SULT6B1: variants seen among roughly 807,000 people sequenced by gnomAD.
SULT6B1 encodes sulfotransferase family 6B member 1.
SULT6B1 carries 44 observed loss-of-function variants against 37.2 expected under a neutral mutation model. That is an observed-to-expected ratio of 1.18 (90% CI 0.93 to 1.52). The LOEUF (loss-of-function observed/expected upper bound fraction) is 1.52, where lower values mean the gene tolerates loss of function less well. SULT6B1 is among the 40% of genes most tolerant of loss of function. The pLI, the probability that SULT6B1 is intolerant of heterozygous loss-of-function variation, is 0.00. For missense variants in SULT6B1, 450 were observed against 361.0 expected (o/e 1.25, Z -2.00); for synonymous variants, 140 against 126.0 (o/e 1.11, Z -0.74).
chr2:37,188,560 A>T lies in SULT6B1; in HGVS notation c.81T>A (p.Phe27Leu). The change falls in exon 1 of 7, where the codon TTT becomes TTA. Residue 27 changes from phenylalanine to leucine, a missense_variant. Coordinates refer to ENST00000535679, the MANE Select transcript of SULT6B1 (RefSeq NM_001367551.1). ...KSKETALSHLFFTYQGIPYPI... is the reference protein window; with the variant it reads ...KSKETALSHLLFTYQGIPYPI... ...GGTAAGGAATCCCCTGATAGGTGAA[A>T]AATAAATGAGAGAGTGCAGTTTCTT... 1 of 1,606,236 alleles carries T rather than the reference A, an allele frequency of 6.2e-7. No individual in the cohort carries two copies. Among genetic ancestry groups the T allele is most frequent in the Non-Finnish European group, 8.5e-7 (1 of 1,172,782 alleles).
At chr2:37,183,000 C>T (rs1330273746) in intron 3 of SULT6B1, among the ~76,000 whole-genome samples, 4 of 152,098 alleles carry the variant, frequency 2.6e-5, no homozygotes, top group Non-Finnish European at 5.9e-5. Flanking sequence ...GCCTGGGCAA[C>T]ATAGTGAGAT....
intron 6 of SULT6B1, 105 bp downstream of exon 6, chr2:37,171,328 GA>G: frequency 7.2e-7 from 1 of 1,392,326 alleles, no homozygotes; most frequent in Non-Finnish European, 9.7e-7. Flanking sequence ...CTGAGGCGGA[GA>G]AAAATAAAAC....
intron 3 of SULT6B1, among the ~76,000 whole-genome samples, chr2:37,180,655 G>A (rs368187511): frequency 7.2e-5 from 11 of 152,258 alleles, no homozygotes; most frequent in South Asian, 2.1e-4. Context: ...AGGCTGAGGC[G>A]GCTGGATCAC....
Position 37,179,440 on chromosome 2 carries a change from T to C in SULT6B1, c.529+18A>G. ...TCATCTGATCAAGTAAGAATAATTC[T>C]TTTACCAACAGCCATACCTTGTCCT... is the stretch of plus-strand genomic sequence containing the variant. On this transcript the variant is annotated intron_variant, in intron 4 of 6. Transcript: ENST00000535679. The C allele has an allele frequency of 6.2e-7, 1 of 1,612,458 alleles. No individual in the cohort carries two copies. Among genetic ancestry groups the C allele is most frequent in the Non-Finnish European group, 8.5e-7 (1 of 1,179,800 alleles).
intron 5 of SULT6B1, 73 bp from the exon 6 acceptor site, chr2:37,171,663 G>C: frequency 6.9e-7 from 1 of 1,456,414 alleles, no homozygotes; most frequent in Non-Finnish European, 9.4e-7. Context: ...AGACTTTTTA[G>C]TCATCAGAGT....
chr2:37,194,377 GCTGA>G lies in SULT6B1; in HGVS notation c.-22+2135_-22+2138del, dbSNP rs1300126995. 1.6e-5 allele frequency: 6 copies of G among 369,584 alleles called. 1 individual carries two copies. Among genetic ancestry groups the G allele is most frequent in the Admixed American group, 3.2e-5 (1 of 31,306 alleles). 22.9% of individuals were successfully genotyped at this position (369,584 alleles called of 1,614,324 possible). A position where few individuals can be genotyped will look rare whatever the true frequency, so the allele number is the denominator to read the frequency against. On this transcript the variant is annotated intron_variant, in intron 1 of 7. Coordinates refer to the SULT6B1 transcript ENST00000407963. ...TTACAGGCATGAGCCACCGTGCCTG[GCTGA>G]CTATCTGTAGATTTTTGAAAGTGGT...
chr2:37,171,363 ATTT>A, intron 6 of SULT6B1, 68 bp downstream of exon 6: 2 of 1,527,912 alleles, frequency 1.3e-6, no homozygotes, highest in African/African-American at 2.8e-5. Context: ...AGATGAAGTT[ATTT>A]GGATTACCTG....
At chr2:37,188,768 A>C, upstream of SULT6B1, 3 of 497,932 alleles carry the variant, frequency 6.0e-6, no homozygotes, top group Non-Finnish European at 7.3e-6. Context: ...TTTAATTCTC[A>C]TCCACCCCTC....
chr2:37,174,227 C>CTTTTTTTTTTTTTTTTTTTTTTTTT (rs35100458), intron 5 of SULT6B1, among the ~76,000 whole-genome samples: 1 of 58,478 alleles, frequency 1.7e-5, no homozygotes, highest in Non-Finnish European at 3.2e-5. Flanking sequence ...TCTTCCTATT[C>CTTTTTTTTTTTTTTTTTTTTTTTTT]TTTTTTTTTT....
intron 6 of SULT6B1, among the ~76,000 whole-genome samples, chr2:37,168,819 CT>C (rs1374653928): frequency 6.6e-6 from 1 of 152,100 alleles, no homozygotes; most frequent in East Asian, 1.9e-4. Context: ...AAGAAAGTTA[CT>C]TTTTTCTTAA....
chr2:37,176,079 G>C (rs933073190), intron 4 of SULT6B1, among the ~76,000 whole-genome samples: 4 of 152,036 alleles, frequency 2.6e-5, no homozygotes, highest in Admixed American at 1.3e-4. Context: ...TACCACATTG[G>C]ACAATGCAGA....
Position 37,175,147 on chromosome 2 carries a change from A to C in SULT6B1, c.609T>G (p.Tyr203Ter). The change falls in exon 5 of 7, where the codon TAT becomes TAG. Residue 203 changes from tyrosine (Y) to a stop codon, truncating the protein, a stop_gained. Transcript: ENST00000535679. LOFTEE classifies it high-confidence loss of function. ...LDGDNVKFIL[Y>*]EDLKENLAAG... Reference sequence around the variant, plus strand: ...ATAATCTCACCTCTTTCAGGTCTTCATATAATATGAACTTAACATTGTCGC... The same window carrying C: ...ATAATCTCACCTCTTTCAGGTCTTCCTATAATATGAACTTAACATTGTCGC... 1 of 1,545,758 alleles carries C rather than the reference A, an allele frequency of 6.5e-7. No homozygotes were observed. Among genetic ancestry groups the C allele is most frequent in the Admixed American group, 1.9e-5 (1 of 52,698 alleles).
chr2:37,188,779 C>A (rs1455357884), upstream of SULT6B1: 2 of 490,802 alleles, frequency 4.1e-6, no homozygotes, highest in African/African-American at 3.9e-5. Context: ...TCCACCCCTC[C>A]CTCACTATTA....
rs150369318 is a variant in SULT6B1 at position 37,178,714 on chromosome 2, A to G, written c.529+744T>C. Among the ~76,000 whole-genome samples, 119 of 152,382 alleles carry G rather than the reference A, an allele frequency of 7.8e-4. 1 individual carries two copies. In the East Asian group the frequency reaches 0.019, roughly 24 times the overall value. ...GAGACAAAATATCAACATGTTTAAC[A>G]AAAACTTATTTCTGACAAAAACTTA... On this transcript the variant is annotated intron_variant, in intron 4 of 6. Transcript: ENST00000535679.
At chr2:37,195,590 T>G (rs1305821786) in intron 1 of SULT6B1, among the ~76,000 whole-genome samples, 6 of 152,206 alleles carry the variant, frequency 3.9e-5, no homozygotes, top group Non-Finnish European at 8.8e-5. Flanking sequence ...CATTGTGTAC[T>G]TTCCATCAGT....
At chr2:37,178,391 A>G (rs1676476580) in intron 4 of SULT6B1, among the ~76,000 whole-genome samples, 1 of 152,034 alleles carries the variant, frequency 6.6e-6, no homozygotes, top group Non-Finnish European at 1.5e-5. Context: ...ATGCAACACC[A>G]CACCTGGCTA....
chr2:37,173,397 A>G (rs1676347088), intron 5 of SULT6B1, among the ~76,000 whole-genome samples: 1 of 152,132 alleles, frequency 6.6e-6, no homozygotes, highest in African/African-American at 2.4e-5. Context: ...ACCTACGTAT[A>G]TATTTCCATG....
chr2:37,171,304 G>T, intron 6 of SULT6B1, 130 bp downstream of exon 6: 1 of 1,108,856 alleles, frequency 9.0e-7, no homozygotes, highest in Non-Finnish European at 1.3e-6. Flanking sequence ...GAGAGCCTGT[G>T]TCCAGACCTC....
chr2:37,182,819 G>T (rs1676585560), intron 3 of SULT6B1, among the ~76,000 whole-genome samples: 2 of 152,126 alleles, frequency 1.3e-5, no homozygotes, highest in African/African-American at 4.8e-5. Flanking sequence ...CAAATGATAA[G>T]AACAGCCAAA....
Sources: gnomAD v4.1 joint callset for allele counts (sites outside exome capture counted in the v4.1 genomes callset) on GRCh38, gnomAD v4.1.1 for gene constraint, MANE v1.5 for transcripts, NCBI Gene and HGNC (gene_info 2026-07-23, HGNC 2026-07-21) for gene names.